The following SYNJ2BP variants were observed in gnomAD, a reference collection of about 807,000 sequenced individuals.
SYNJ2BP encodes synaptojanin 2 binding protein.
In SYNJ2BP, 10 loss-of-function variants were observed where a neutral mutation model predicts 16.9. The observed-to-expected ratio is 0.59, with a 90% CI of 0.36 to 1.00. The LOEUF is 1.00. Ranked by LOEUF, SYNJ2BP falls within the 50% of genes least tolerant of loss-of-function variation. SYNJ2BP has a pLI of 0.01. For synonymous variants in SYNJ2BP, 54 were observed against 68.4 expected (o/e 0.79, Z 1.04); for missense variants, 162 against 186.7 (o/e 0.87, Z 0.77).
At chr14:70,408,149 G>GT (rs1366183851) in intron 1 of SYNJ2BP, among the ~76,000 whole-genome samples, 9 of 151,716 alleles carry the variant, frequency 5.9e-5, no homozygotes, top group Admixed American at 3.3e-4. Context: ...CAGTAATAGG[G>GT]TTTTTTTATA....
chr14:70,410,917 C>G (rs1456000913), intron 1 of SYNJ2BP, among the ~76,000 whole-genome samples: 2 of 152,090 alleles, frequency 1.3e-5, no homozygotes, highest in Non-Finnish European at 2.9e-5. Flanking sequence ...AGGCTTAATA[C>G]CTGGGTGACG....
chr14:70,394,007 G>C (rs1245745156), intron 1 of SYNJ2BP, among the ~76,000 whole-genome samples: 7 of 113,720 alleles, frequency 6.2e-5, no homozygotes, highest in Non-Finnish European at 1.4e-4. Context: ...AAAAAAAAAA[G>C]ATCCTTAATA....
intron 1 of SYNJ2BP, among the ~76,000 whole-genome samples, chr14:70,405,116 G>A (rs1888319440): frequency 1.3e-5 from 2 of 152,076 alleles, no homozygotes; most frequent in African/African-American, 4.8e-5. Context: ...GACAGGGTGA[G>A]ACCCTGTCAG....
At chr14:70,400,709 A>C (rs1480454184) in intron 1 of SYNJ2BP, among the ~76,000 whole-genome samples, 1 of 152,210 alleles carries the variant, frequency 6.6e-6, no homozygotes, top group Non-Finnish European at 1.5e-5. Context: ...TACTAAAGAC[A>C]CGTTTTACAT....
At chr14:70,390,470 C>T (rs1887956420) in intron 1 of SYNJ2BP, among the ~76,000 whole-genome samples, 1 of 151,606 alleles carries the variant, frequency 6.6e-6, no homozygotes, top group South Asian at 2.1e-4. Context: ...AGATCGAGAC[C>T]ATCTTGGCTA....
chr14:70,390,147 G>T (rs1407208682), intron 1 of SYNJ2BP, among the ~76,000 whole-genome samples: 1 of 152,028 alleles, frequency 6.6e-6, no homozygotes, highest in Non-Finnish European at 1.5e-5. Context: ...GGATTTTACT[G>T]TACAGAAACC....
rs1466483899 is a variant in SYNJ2BP, at chr14:70,369,420, C to G, written c.*3571G>C. The G allele has an allele frequency of 6.6e-6, 1 of 152,098 alleles. No individual in the cohort carries two copies. The highest frequency in any genetic ancestry group is 2.4e-5 in the African/African-American group (1 of 41,424). The allele number at this position is 152,098 out of a possible 1,614,324, so 9.4% of individuals were successfully genotyped here. On this transcript the variant is annotated 3_prime_UTR_variant, in exon 4 of 4. Coordinates refer to ENST00000256366, the MANE Select transcript of SYNJ2BP (RefSeq NM_018373.3). ...TATGAACTTGCTTTTCTAACAAGTT[C>G]CCCAGTAACGCTGATGCTTTTGTCA...
chr14:70,389,074 C>A (rs1887923919), intron 1 of SYNJ2BP, among the ~76,000 whole-genome samples: 1 of 151,968 alleles, frequency 6.6e-6, no homozygotes, highest in Non-Finnish European at 1.5e-5. Flanking sequence ...TCCCAAAGTT[C>A]TAGGATTACA....
At chr14:70,397,264 C>CTATATATA (rs139489096) in intron 1 of SYNJ2BP, among the ~76,000 whole-genome samples, 7,440 of 150,802 alleles carry the variant, frequency 0.049, 231 homozygotes, top group Middle Eastern at 0.083. Flanking sequence ...ATGATGTGTT[C>CTATATATA]TATATATATA....
intron 2 of SYNJ2BP, 41 bp downstream of exon 2, chr14:70,388,429 G>A (rs1462435998): frequency 6.7e-7 from 1 of 1,485,176 alleles, no homozygotes; most frequent in Non-Finnish European, 8.9e-7. Context: ...CTAGGGCTTA[G>A]GGAGCAAAGG....
In SYNJ2BP at chr14:70,372,522, T is replaced by C. The variant is rs1887538048; in HGVS notation, c.*469A>G. On this transcript the variant is annotated 3_prime_UTR_variant, in exon 4 of 4. Coordinates refer to ENST00000256366, the MANE Select transcript of SYNJ2BP (RefSeq NM_018373.3). ...TTTTTTAAAAAAGTAAAAATGCTCT[T>C]CTCACTCTTTGTCGATATAGGCACC... The C allele has an allele frequency of 6.3e-6, 1 of 158,226 alleles. No individual in the cohort carries two copies. Among genetic ancestry groups the C allele is most frequent in the African/African-American group, 2.4e-5 (1 of 41,486 alleles). 9.8% of individuals were successfully genotyped at this position (158,226 alleles called of 1,614,324 possible).
chr14:70,374,558 G>C (rs1319343141), intron 3 of SYNJ2BP, among the ~76,000 whole-genome samples: 1 of 152,130 alleles, frequency 6.6e-6, no homozygotes, highest in Non-Finnish European at 1.5e-5. Flanking sequence ...TATCTACCCA[G>C]GCTTCCCTTT....
chr14:70,395,398 C>T (rs1283472942), intron 1 of SYNJ2BP, among the ~76,000 whole-genome samples: 1 of 152,164 alleles, frequency 6.6e-6, no homozygotes, highest in Non-Finnish European at 1.5e-5. Flanking sequence ...GTAACAAACA[C>T]CCTATTTTCC....
intron 1 of SYNJ2BP, among the ~76,000 whole-genome samples, chr14:70,402,722 T>C (rs1009964161): frequency 1.8e-4 from 28 of 152,058 alleles, no homozygotes; most frequent in African/African-American, 6.5e-4. Context: ...CCCTGGAAAC[T>C]GCAAATACTT....
In SYNJ2BP at chr14:70,388,926, CTTTTTTT is replaced by C. The variant is rs201784694; in HGVS notation, c.65-327_65-321del. Among the ~76,000 whole-genome samples, 14 of 137,406 alleles carry C rather than the reference CTTTTTTT, an allele frequency of 1.0e-4. No individual in the cohort carries two copies. In the East Asian group the frequency reaches 2.9e-3, roughly 29 times the overall value. 90.1% of individuals were successfully genotyped at this position (137,406 alleles called of 152,430 possible). A position where few individuals can be genotyped will look rare whatever the true frequency, so the allele number is the denominator to read the frequency against. On this transcript the variant is annotated intron_variant, in intron 1 of 3. Transcript: ENST00000256366. ...TTACTCTAAGTTCGTTCTTCTTTTT[CTTTTTTT>C]TTTTTTTTCAGAGTCTTGCTAGTGG...
intron 2 of SYNJ2BP, among the ~76,000 whole-genome samples, chr14:70,385,658 G>C (rs1462441412): frequency 2.0e-5 from 3 of 152,154 alleles, no homozygotes; most frequent in Non-Finnish European, 4.4e-5. Flanking sequence ...TGGGATTACA[G>C]GCATGAGCCA....
chr14:70,379,594 C>T (rs1393273411), intron 2 of SYNJ2BP, among the ~76,000 whole-genome samples: 1 of 152,074 alleles, frequency 6.6e-6, no homozygotes, highest in Admixed American at 6.5e-5. Context: ...GTTTTCTAGT[C>T]GAGGGACTTT....
At chr14:70,407,135 A>C (rs919206753) in intron 1 of SYNJ2BP, among the ~76,000 whole-genome samples, 2 of 152,026 alleles carry the variant, frequency 1.3e-5, no homozygotes, top group African/African-American at 4.8e-5. Flanking sequence ...GCTATAAAAA[A>C]TGGCAAAAAC....
intron 1 of SYNJ2BP, among the ~76,000 whole-genome samples, chr14:70,392,590 C>T (rs1888002652): frequency 6.6e-6 from 1 of 152,076 alleles, no homozygotes; most frequent in Non-Finnish European, 1.5e-5. Context: ...AAGCTCCAAA[C>T]TAGATAGTTT....
Sources: gnomAD v4.1 joint callset for allele counts (sites outside exome capture counted in the v4.1 genomes callset) on GRCh38, gnomAD v4.1.1 for gene constraint, MANE v1.5 for transcripts, NCBI Gene and HGNC (gene_info 2026-07-23, HGNC 2026-07-21) for gene names.